RANBP9: variants seen among roughly 807,000 people sequenced by gnomAD.
RANBP9 encodes ran-binding protein 9.
RANBP9 carries 15 observed loss-of-function variants against 84.3 expected under a neutral mutation model. The observed-to-expected ratio is 0.18, with a 90% CI of 0.12 to 0.27. The LOEUF is 0.27. Among genes scored for constraint, RANBP9 ranks in the 10% least tolerant of loss-of-function variants. The pLI is 1.00. For missense variants in RANBP9, 809 were observed against 912.8 expected (o/e 0.89, Z 1.46); for synonymous variants, 392 against 349.6 (o/e 1.12, Z -1.35).
In RANBP9 at chr6:13,711,832, G is replaced by C. The variant is rs1277748590; in HGVS notation, c.-327C>G. Reference sequence around the variant, plus strand: ...CGCCGCGGCCGCTGCTCTCGCGGCTGTTTCCCGGCGGGCGGGCCGGGCCGG... The same window carrying C: ...CGCCGCGGCCGCTGCTCTCGCGGCTCTTTCCCGGCGGGCGGGCCGGGCCGG... On this transcript the variant is annotated 5_prime_UTR_variant, in exon 1 of 14. Coordinates refer to ENST00000011619, the MANE Select transcript of RANBP9 (RefSeq NM_005493.3). Among the ~76,000 whole-genome samples the C allele has an allele frequency of 1.4e-5, 2 of 146,208 alleles. No homozygotes were observed. The highest frequency in any genetic ancestry group is 3.0e-5 in the Non-Finnish European group (2 of 65,756).
At chr6:13,666,600 C>CAAAAGAAAAAA (rs1765654056) in intron 2 of RANBP9, among the ~76,000 whole-genome samples, 1 of 43,670 alleles carries the variant, frequency 2.3e-5, no homozygotes, top group Non-Finnish European at 4.3e-5. Flanking sequence ...CCCGTCTCTC[C>CAAAAGAAAAAA]AAAAAAAAAA....
At chr6:13,690,307 A>G (rs997455702) in intron 2 of RANBP9, among the ~76,000 whole-genome samples, 1 of 152,198 alleles carries the variant, frequency 6.6e-6, no homozygotes, top group African/African-American at 2.4e-5. Context: ...TTGTTAAATA[A>G]ATATATTGCT....
At chr6:13,704,951 C>T (rs10456689) in intron 1 of RANBP9, among the ~76,000 whole-genome samples, 17,246 of 152,194 alleles carry the variant, frequency 0.11, 1,225 homozygotes, top group Non-Finnish European at 0.16. Flanking sequence ...CCTTACTACT[C>T]TATTTTATGT....
intron 2 of RANBP9, among the ~76,000 whole-genome samples, chr6:13,685,316 T>G (rs926544891): frequency 2.6e-5 from 4 of 152,192 alleles, no homozygotes; most frequent in Non-Finnish European, 2.9e-5. Flanking sequence ...TAAAAAGATA[T>G]TCAGAGCTTT....
At chr6:13,679,286 T>C (rs965345131) in intron 2 of RANBP9, among the ~76,000 whole-genome samples, 2 of 152,188 alleles carry the variant, frequency 1.3e-5, no homozygotes, top group Non-Finnish European at 2.9e-5. Context: ...AATATAAATA[T>C]ACAATACCTA....
chr6:13,696,968 C>T (rs1185666916), intron 1 of RANBP9, 72 bp from the exon 2 acceptor site: 1 of 1,255,218 alleles, frequency 8.0e-7, no homozygotes, highest in Non-Finnish European at 1.1e-6. Flanking sequence ...TTAAACAATT[C>T]AGGAACATAT....
chr6:13,706,423 T>C (rs1331294115), intron 1 of RANBP9, among the ~76,000 whole-genome samples: 5 of 150,336 alleles, frequency 3.3e-5, no homozygotes, highest in Non-Finnish European at 5.9e-5. Flanking sequence ...GGCTGGGCAC[T>C]GTGGCTCACG....
At chr6:13,673,953 G>A (rs978879497) in intron 2 of RANBP9, among the ~76,000 whole-genome samples, 12 of 151,820 alleles carry the variant, frequency 7.9e-5, no homozygotes, top group Non-Finnish European at 1.3e-4. Flanking sequence ...GTGTGGTGGT[G>A]TGCCCTTGTA....
At chr6:13,639,249 G>C (rs1000991953) in intron 9 of RANBP9, among the ~76,000 whole-genome samples, 1 of 152,196 alleles carries the variant, frequency 6.6e-6, no homozygotes, top group African/African-American at 2.4e-5. Context: ...CGTGATCTCA[G>C]CTCACTGCAA....
chr6:13,670,613 G>A (rs928018239), intron 2 of RANBP9, among the ~76,000 whole-genome samples: 3 of 151,884 alleles, frequency 2.0e-5, no homozygotes, highest in East Asian at 1.9e-4. Flanking sequence ...TGGCTAACAC[G>A]GTGAAACCCC....
At chr6:13,693,916 G>A (rs201958321) in intron 2 of RANBP9, among the ~76,000 whole-genome samples, 3 of 151,964 alleles carry the variant, frequency 2.0e-5, no homozygotes, top group South Asian at 2.1e-4. Flanking sequence ...GGTGGTGGGC[G>A]CCTGTAATCC....
intron 1 of RANBP9, among the ~76,000 whole-genome samples, chr6:13,704,637 GA>G (rs144736205): frequency 1.3e-3 from 175 of 131,640 alleles, no homozygotes; most frequent in African/African-American, 1.3e-3. Context: ...CCTCAAAAGA[GA>G]AAAAAAAAAA....
chr6:13,648,141 G>T lies in RANBP9; in HGVS notation c.928-3412C>A, dbSNP rs545691900. Among the ~76,000 whole-genome samples the T allele has an allele frequency of 9.2e-3, 744 of 80,690 alleles. 21 individuals are homozygous for T. The highest frequency in any genetic ancestry group is 0.05 in the Middle Eastern group (6 of 120). 52.9% of individuals were successfully genotyped at this position (80,690 alleles called of 152,430 possible). A position where few individuals can be genotyped will look rare whatever the true frequency, so the allele number is the denominator to read the frequency against. The stretch of plus-strand genomic sequence containing the variant: ...CAAAATATGTGATCTTATATGACTG[G>T]TTTTTTTTTTTTTTTTTTTTTTTTT... On this transcript the variant is annotated intron_variant, in intron 5 of 13. Transcript: ENST00000011619.
chr6:13,690,929 G>A (rs970538220), intron 2 of RANBP9, among the ~76,000 whole-genome samples: 7 of 152,148 alleles, frequency 4.6e-5, no homozygotes, highest in African/African-American at 2.4e-5. Context: ...ACTTTGGGAG[G>A]CCGAGGTGGG....
chr6:13,622,538 T>C (rs1201976938), intron 13 of RANBP9, 46 bp from the exon 14 acceptor site: 1 of 1,503,026 alleles, frequency 6.7e-7, no homozygotes, highest in Non-Finnish European at 8.9e-7. Flanking sequence ...TAGCAAGACA[T>C]TTTAAAAAAC....
chr6:13,692,670 G>C (rs942542194), intron 2 of RANBP9, among the ~76,000 whole-genome samples: 1 of 151,440 alleles, frequency 6.6e-6, no homozygotes, highest in Non-Finnish European at 1.5e-5. Context: ...TGGGCAACAG[G>C]GTGAAACCCC....
chr6:13,701,751 C>T (rs1161905260), intron 1 of RANBP9, among the ~76,000 whole-genome samples: 1 of 149,152 alleles, frequency 6.7e-6, no homozygotes, highest in Non-Finnish European at 1.5e-5. Context: ...GCCTGGGCGA[C>T]AAGAGCAAGG....
At chr6:13,690,003 A>C (rs557070643) in intron 2 of RANBP9, among the ~76,000 whole-genome samples, 22 of 152,320 alleles carry the variant, frequency 1.4e-4, no homozygotes, top group African/African-American at 4.6e-4. Flanking sequence ...CCAGGTATGT[A>C]GTAGGCTATA....
At chr6:13,660,960 A>T (rs1343227666) in intron 2 of RANBP9, among the ~76,000 whole-genome samples, 1 of 152,234 alleles carries the variant, frequency 6.6e-6, no homozygotes, top group Non-Finnish European at 1.5e-5. Flanking sequence ...TAAGCTGTGG[A>T]CCTGCAAAGC....
Sources: gnomAD v4.1 joint callset for allele counts (sites outside exome capture counted in the v4.1 genomes callset) on GRCh38, gnomAD v4.1.1 for gene constraint, MANE v1.5 for transcripts, NCBI Gene and HGNC (gene_info 2026-07-23, HGNC 2026-07-21) for gene names.